GLI2: variants seen among roughly 807,000 people sequenced by gnomAD.
GLI2 encodes the protein transcription activator GLI2.
In GLI2, 22 loss-of-function variants were observed where a neutral mutation model predicts 78.9. The observed-to-expected ratio is 0.28, with a 90% confidence interval of 0.20 to 0.40. The LOEUF (loss-of-function observed/expected upper bound fraction) is 0.40. GLI2 is among the 10% of genes least tolerant of loss of function. The probability of loss-of-function intolerance (pLI) is 1.00; values close to 1 mark genes in which losing one functional copy is unlikely to be tolerated. For missense variants in GLI2, 2,097 were observed against 2,213.2 expected (o/e 0.95, Z 1.05); for synonymous variants, 974 against 963.7 (o/e 1.01, Z -0.20).
At chr2:120,791,680 A>G (rs1025800810) in intron 1 of GLI2, among the ~76,000 whole-genome samples, 1 of 152,152 alleles carries the variant, frequency 6.6e-6, no homozygotes, top group African/African-American at 2.4e-5. Context: ...GTGAGTGTTC[A>G]TGTACCTCTG....
intron 6 of GLI2, among the ~76,000 whole-genome samples, chr2:120,969,683 C>T (rs989698366): frequency 7.9e-5 from 12 of 152,238 alleles, no homozygotes; most frequent in African/African-American, 2.7e-4. Context: ...AGTGCTTCAT[C>T]CCGCCGAAGG....
Position 120,978,600 on chromosome 2 carries a change from C to T in GLI2, c.1467+17C>T. 1.9e-6 allele frequency: 3 copies of T among 1,600,584 alleles called. No homozygotes were observed. Among genetic ancestry groups the T allele is most frequent in the South Asian group, 1.1e-5 (1 of 90,876 alleles). On this transcript the variant is annotated intron_variant, in intron 10 of 13. Transcript: ENST00000361492. ...AAGTGCACGGTGAGTGGCCTTCTCC[C>T]CACCCCCGCCGCAGCATCAAGACTG...
At chr2:120,760,795 C>T (rs1467517323) in intron 1 of GLI2, among the ~76,000 whole-genome samples, 1 of 152,156 alleles carries the variant, frequency 6.6e-6, no homozygotes, top group Non-Finnish European at 1.5e-5. Flanking sequence ...CAAAACAAAA[C>T]TGTCATAATG....
chr2:120,862,522 T>G (rs1390212490), intron 2 of GLI2, among the ~76,000 whole-genome samples: 1 of 152,112 alleles, frequency 6.6e-6, no homozygotes, highest in African/African-American at 2.4e-5. Context: ...CGTGACCCCG[T>G]CTCTCTGTCT....
chr2:120,797,914 ACT>A (rs1684482634), intron 2 of GLI2, among the ~76,000 whole-genome samples: 2 of 152,194 alleles, frequency 1.3e-5, no homozygotes, highest in Non-Finnish European at 2.9e-5. Flanking sequence ...TTCGGGATTT[ACT>A]ATCTTAGGTG....
At chr2:120,766,155 TCTTCAGCA>T (rs1216928963) in intron 1 of GLI2, among the ~76,000 whole-genome samples, 21 of 152,174 alleles carry the variant, frequency 1.4e-4, no homozygotes, top group African/African-American at 5.1e-4. Context: ...TCCCTGCTGT[TCTTCAGCA>T]TGTCTGCAGC....
intron 3 of GLI2, among the ~76,000 whole-genome samples, chr2:120,948,755 C>T (rs574910082): frequency 1.3e-5 from 2 of 152,178 alleles, no homozygotes; most frequent in Non-Finnish European, 2.9e-5. Flanking sequence ...ACAGGGCAAC[C>T]CTGGTGCCAG....
At chr2:120,858,692 G>A (rs1419688432) in intron 2 of GLI2, among the ~76,000 whole-genome samples, 1 of 152,204 alleles carries the variant, frequency 6.6e-6, no homozygotes. Context: ...TCCATAAGCA[G>A]GAAATGGTGG....
At position 120,991,565 on chromosome 2, in the gene GLI2, G is replaced by A. The variant is rs1394590869; in HGVS notation, c.*890G>A. The stretch of plus-strand genomic sequence containing the variant: ...ATGGACTGAGGCCTCGAGGAGTGAG[G>A]GTGCACCCGGGGCCCAGCCTCAGGC... On this transcript the variant is annotated 3_prime_UTR_variant, in exon 14 of 14. Coordinates refer to ENST00000361492, the MANE Select transcript of GLI2 (RefSeq NM_001374353.1). 1 of 152,622 alleles carries A rather than the reference G, an allele frequency of 6.6e-6. No individual in the cohort carries two copies. Among genetic ancestry groups the A allele is most frequent in the Non-Finnish European group, 1.5e-5 (1 of 68,048 alleles). The allele number at this position is 152,622 out of a possible 1,614,324, so 9.5% of individuals were successfully genotyped here.
intron 1 of GLI2, among the ~76,000 whole-genome samples, chr2:120,768,196 G>C (rs956414150): frequency 6.6e-6 from 1 of 152,202 alleles, no homozygotes; most frequent in African/African-American, 2.4e-5. Context: ...ACCCGGCGTC[G>C]GCTGCCAGGC....
chr2:120,933,095 G>T (rs1277322514), intron 3 of GLI2, among the ~76,000 whole-genome samples: 4 of 152,170 alleles, frequency 2.6e-5, no homozygotes, highest in Non-Finnish European at 5.9e-5. Flanking sequence ...TGGCCCTGGG[G>T]AGAGGGGAGC....
intron 1 of GLI2, among the ~76,000 whole-genome samples, chr2:120,786,333 G>A (rs1201221760): frequency 6.6e-6 from 1 of 152,174 alleles, no homozygotes; most frequent in East Asian, 1.9e-4. Flanking sequence ...TGTTTGAAGA[G>A]GTGAGATTTG....
In GLI2 at chr2:120,968,879, G is replaced by A; in HGVS notation, c.809G>A (p.Ser270Asn). 6.2e-7 allele frequency: 1 copy of A among 1,613,448 alleles called. No homozygotes were observed. Among genetic ancestry groups the A allele is most frequent in the Non-Finnish European group, 8.5e-7 (1 of 1,179,998 alleles). ...AACTCCCGAAGCAGCTCGGCGGCCA[G>A]CGGTTCCTACGGGCATCTGTCAGCG... The part of the protein sequence containing the change: ...INNSRSSSAA[S>N]GSYGHLSAGA... The change falls in exon 6 of 14, where the codon AGC becomes AAC. Residue 270 changes from serine to asparagine, a missense_variant. Ser to Asn is a conservative substitution (Grantham distance 46, BLOSUM62 1). Transcript: ENST00000361492.
intron 2 of GLI2, among the ~76,000 whole-genome samples, chr2:120,859,890 C>A (rs113576388): frequency 0.04 from 6,135 of 151,998 alleles, 399 homozygotes; most frequent in African/African-American, 0.14. Flanking sequence ...TGACCTCAGA[C>A]GATCTGCCCA....
At chr2:120,903,956 G>A (rs1678390960) in intron 2 of GLI2, among the ~76,000 whole-genome samples, 1 of 152,160 alleles carries the variant, frequency 6.6e-6, no homozygotes, top group African/African-American at 2.4e-5. Flanking sequence ...GGGCTTTCAG[G>A]AAGGGGAGAT....
At chr2:120,744,236 C>T (rs1682634767) in intron 1 of GLI2, among the ~76,000 whole-genome samples, 1 of 152,188 alleles carries the variant, frequency 6.6e-6, no homozygotes, top group African/African-American at 2.4e-5. Flanking sequence ...ATCACTCAGA[C>T]GTTTCTGCAG....
intron 1 of GLI2, among the ~76,000 whole-genome samples, chr2:120,789,177 G>A (rs191394781): frequency 1.3e-5 from 2 of 151,698 alleles, no homozygotes; most frequent in Non-Finnish European, 2.9e-5. Context: ...GATTACAGGC[G>A]CCTGCCACCA....
Position 120,991,666 on chromosome 2 carries a change from C to T in GLI2, c.*991C>T, listed in dbSNP as rs750127299. 3 of 152,774 alleles carry T rather than the reference C, an allele frequency of 2.0e-5. No homozygotes were observed. The highest frequency in any genetic ancestry group is 4.8e-5 in the African/African-American group (2 of 41,446). 9.5% of individuals were successfully genotyped at this position (152,774 alleles called of 1,614,324 possible). ...CTGTTTCTCCAATGCAACGTCCACC[C>T]ACTTTACCACCAAAAACTCCAGGGC... On this transcript the variant is annotated 3_prime_UTR_variant, in exon 14 of 14. Coordinates refer to ENST00000361492, the MANE Select transcript of GLI2 (RefSeq NM_001374353.1).
intron 2 of GLI2, among the ~76,000 whole-genome samples, chr2:120,827,778 CA>C: frequency 6.6e-6 from 1 of 152,312 alleles, no homozygotes; most frequent in Admixed American, 6.5e-5. Context: ...AAGTCAGTCA[CA>C]AAAGGACATA....
Sources: allele counts gnomAD v4.1 joint callset (sites outside exome capture counted in the v4.1 genomes callset), GRCh38; gene constraint gnomAD v4.1.1; transcripts MANE v1.5; gene names NCBI Gene and HGNC (gene_info 2026-07-23, HGNC 2026-07-21).